ANTXR1: variants seen among roughly 807,000 people sequenced by gnomAD.
ANTXR1 encodes anthrax toxin receptor 1.
Under a neutral mutation model 78.1 loss-of-function variants are expected in ANTXR1, and 19 were observed. That is an observed-to-expected ratio of 0.24 (90% CI 0.17 to 0.36). The LOEUF (loss-of-function observed/expected upper bound fraction) is 0.36, where lower values mean the gene tolerates loss of function less well. ANTXR1 is among the 10% of genes least tolerant of loss of function. ANTXR1 has a pLI of 1.00. For missense variants in ANTXR1, 518 were observed against 718.6 expected (o/e 0.72, Z 3.19); for synonymous variants, 273 against 260.5 (o/e 1.05, Z -0.46).
At chr2:69,107,346 C>G (rs1246456176) in intron 10 of ANTXR1, among the ~76,000 whole-genome samples, 1 of 152,004 alleles carries the variant, frequency 6.6e-6, no homozygotes, top group Admixed American at 6.5e-5. Flanking sequence ...CTCAAGCGAT[C>G]CTCCCACCTT....
intron 16 of ANTXR1, among the ~76,000 whole-genome samples, chr2:69,188,254 A>C (rs1038324694): frequency 6.6e-6 from 1 of 152,130 alleles, no homozygotes. Context: ...CTACAGATAT[A>C]AGCCATCACA....
chr2:69,077,330 C>A, intron 7 of ANTXR1, 78 bp from the exon 8 acceptor site: 2 of 1,503,530 alleles, frequency 1.3e-6, no homozygotes, highest in Non-Finnish European at 1.9e-6. Flanking sequence ...AGCCCCTTAG[C>A]CCCAACGGCT....
chr2:69,018,019 G>A (rs1208901883), intron 1 of ANTXR1, among the ~76,000 whole-genome samples: 1 of 152,124 alleles, frequency 6.6e-6, no homozygotes, highest in Non-Finnish European at 1.5e-5. Flanking sequence ...ATCTCAAGTG[G>A]CTGGCTATGT....
At chr2:69,145,308 A>T in intron 12 of ANTXR1, 1 of 1,575,002 alleles carries the variant, frequency 6.3e-7, no homozygotes, top group Non-Finnish European at 8.6e-7. Flanking sequence ...TTGTATTTTT[A>T]TGTTCTCTTT....
chr2:69,042,761 C>T (rs11126212), intron 2 of ANTXR1, among the ~76,000 whole-genome samples: 5,551 of 152,264 alleles, frequency 0.036, 294 homozygotes, highest in East Asian at 0.22. Flanking sequence ...CCTGCTTGCT[C>T]GCCAAGGTCT....
At chr2:69,106,893 G>A (rs1056874745) in intron 10 of ANTXR1, among the ~76,000 whole-genome samples, 1 of 152,322 alleles carries the variant, frequency 6.6e-6, no homozygotes, top group South Asian at 2.1e-4. Context: ...CAATCTGAAA[G>A]AGAATGGAAA....
At chr2:69,124,401 C>A (rs138599780) in intron 11 of ANTXR1, among the ~76,000 whole-genome samples, 164 bp from the exon 12 acceptor site, 1 of 152,190 alleles carries the variant, frequency 6.6e-6, no homozygotes, top group African/African-American at 2.4e-5. Flanking sequence ...CTACCCCCGA[C>A]ATTTTACAAA....
intron 9 of ANTXR1, among the ~76,000 whole-genome samples, chr2:69,099,928 C>T (rs1671554895): frequency 2.0e-5 from 3 of 152,220 alleles, no homozygotes; most frequent in African/African-American, 7.2e-5. Context: ...CATCAGGAAG[C>T]TTTCAATGTA....
intron 14 of ANTXR1, among the ~76,000 whole-genome samples, chr2:69,171,672 G>A (rs1404271489): frequency 6.6e-6 from 1 of 152,180 alleles, no homozygotes; most frequent in African/African-American, 2.4e-5. Context: ...TGCACCTGGG[G>A]ATGTAGGTTA....
intron 1 of ANTXR1, among the ~76,000 whole-genome samples, chr2:69,037,350 G>A (rs1002854545): frequency 2.0e-5 from 3 of 152,206 alleles, no homozygotes; most frequent in Non-Finnish European, 4.4e-5. Flanking sequence ...AGTATCAGGG[G>A]ATGCTGACAG....
chr2:69,133,948 A>G (rs1672833374), intron 12 of ANTXR1, among the ~76,000 whole-genome samples: 1 of 152,196 alleles, frequency 6.6e-6, no homozygotes, highest in African/African-American at 2.4e-5. Flanking sequence ...GACTGAAATA[A>G]TGTACTTAGA....
At chr2:69,100,386 G>A (rs1270140444) in intron 9 of ANTXR1, among the ~76,000 whole-genome samples, 2 of 152,174 alleles carry the variant, frequency 1.3e-5, no homozygotes, top group Non-Finnish European at 2.9e-5. Flanking sequence ...ACTCCCCAGA[G>A]CATCATTTCC....
chr2:69,245,545 T>C lies in ANTXR1; in HGVS notation c.*60T>C. Reference sequence around the variant, plus strand: ...CTTCAGGAGATGTTAGAACAAGTCTTTCCAGTTAGAGAAGAGGAGTGGTGA... The same window carrying C: ...CTTCAGGAGATGTTAGAACAAGTCTCTCCAGTTAGAGAAGAGGAGTGGTGA... On this transcript the variant is annotated 3_prime_UTR_variant, in exon 18 of 18. Coordinates refer to ENST00000303714, the MANE Select transcript of ANTXR1 (RefSeq NM_032208.3). 1.2e-6 allele frequency: 2 copies of C among 1,601,882 alleles called. No homozygotes were observed. The highest frequency in any genetic ancestry group is 1.7e-6 in the Non-Finnish European group (2 of 1,176,594).
At chr2:69,080,649 C>G (rs1670873502) in intron 8 of ANTXR1, among the ~76,000 whole-genome samples, 1 of 152,042 alleles carries the variant, frequency 6.6e-6, no homozygotes, top group African/African-American at 2.4e-5. Flanking sequence ...GGGAGAGACA[C>G]ATTAAAAACA....
At chr2:69,086,061 C>T (rs1671039409) in intron 8 of ANTXR1, among the ~76,000 whole-genome samples, 1 of 152,190 alleles carries the variant, frequency 6.6e-6, no homozygotes, top group Non-Finnish European at 1.5e-5. Flanking sequence ...AAGCAAAAGA[C>T]ACCTATACCA....
rs190476179 is a variant in ANTXR1 at position 69,045,126 on chromosome 2, G to A, written c.296+313G>A. 4.6e-5 allele frequency among the ~76,000 whole-genome samples: 7 copies of A among 152,004 alleles called. 1 individual carries two copies. The highest frequency in any genetic ancestry group is 3.9e-4 in the Admixed American group (6 of 15,252). On this transcript the variant is annotated intron_variant, in intron 3 of 17. Transcript: ENST00000303714. ...AAATGTTGGCAAACCATATTATTGG[G>A]GGACTATATTTTCTTTTACTTAAGT... is the stretch of plus-strand genomic sequence containing the variant.
Position 69,040,106 on chromosome 2 carries a change from A to G in ANTXR1, c.215A>G (p.Lys72Arg), listed in dbSNP as rs776145154. ...IYYFVEQLAHKFISPQLRMSF... is the reference protein window; with the variant it reads ...IYYFVEQLAHRFISPQLRMSF... ...TACTTTGTGGAACAGTTGGCTCACA[A>G]ATTCATCAGGTGAGAAACACTATGC... is the stretch of plus-strand genomic sequence containing the variant. Residue 72 changes from lysine to arginine, a missense_variant, in exon 2 of 18, where the codon AAA (lysine) becomes AGA (arginine). Physicochemically the swap from Lys to Arg is conservative, Grantham distance 26. Around this residue, in one of 5 missense-constraint regions of ANTXR1, gnomAD observed 264 missense variants for 391.8 expected, o/e 0.67. Coordinates refer to ENST00000303714, the MANE Select transcript of ANTXR1 (RefSeq NM_032208.3). 1.2e-6 allele frequency: 2 copies of G among 1,613,100 alleles called. No homozygotes were observed. Among genetic ancestry groups the G allele is most frequent in the African/African-American group, 2.7e-5 (2 of 74,900 alleles).
intron 13 of ANTXR1, among the ~76,000 whole-genome samples, chr2:69,161,882 C>T (rs994863366): frequency 6.6e-6 from 1 of 152,028 alleles, no homozygotes; most frequent in South Asian, 2.1e-4. Context: ...GCAGTTGAGC[C>T]GGCTTTAAGA....
chr2:69,036,680 G>T (rs541071930), intron 1 of ANTXR1, among the ~76,000 whole-genome samples: 35 of 147,644 alleles, frequency 2.4e-4, no homozygotes, highest in Non-Finnish European at 4.9e-4. Flanking sequence ...ACACAGCATT[G>T]CATTTCAGAA....
Sources: gnomAD v4.1 joint callset for allele counts (sites outside exome capture counted in the v4.1 genomes callset) on GRCh38, gnomAD v4.1.1 for gene constraint, gnomAD v4.1.1 regional missense constraint, MANE v1.5 for transcripts, NCBI Gene and HGNC (gene_info 2026-07-23, HGNC 2026-07-21) for gene names.